APCDD1L: variants seen among roughly 807,000 people sequenced by gnomAD.
The protein encoded by APCDD1L is protein APCDD1-like.
APCDD1L carries 21 observed loss-of-function variants against 24.2 expected under a neutral mutation model. The observed-to-expected ratio is 0.87, with a 90% CI of 0.61 to 1.25. The LOEUF (loss-of-function observed/expected upper bound fraction) is 1.25, where lower values mean the gene tolerates loss of function less well. Ranked by LOEUF, APCDD1L falls within the 50% of genes most tolerant of loss-of-function variation. The pLI is 0.00. For synonymous variants in APCDD1L, 321 were observed against 323.6 expected, an observed-to-expected ratio of 0.99 and a Z score of 0.09; for missense variants, 704 against 711.7, an observed-to-expected ratio of 0.99 and a Z score of 0.12.
chr20:58,470,577 G>A lies in APCDD1L; in HGVS notation c.188+32C>T, dbSNP rs1039659331. 10 of 1,563,828 alleles carry A rather than the reference G, an allele frequency of 6.4e-6. No individual in the cohort carries two copies. In the Admixed American group the frequency reaches 1.1e-4, roughly 18 times the overall value. ...CAGAGGCAGAAGTCTCCCAGTCCAG[G>A]GGTCCATGGTCAGGATGACCTGAAG... On this transcript the variant is annotated intron_variant, in intron 2 of 3. Transcript: ENST00000371149.
chr20:58,467,690 A>C lies in APCDD1L; in HGVS notation c.189-32T>G, dbSNP rs200642458. 377 of 1,450,044 alleles carry C rather than the reference A, an allele frequency of 2.6e-4. No homozygotes were observed. The highest frequency in any genetic ancestry group is 3.0e-4 in the Non-Finnish European group (333 of 1,100,348). 89.8% of individuals were successfully genotyped at this position (1,450,044 alleles called of 1,614,324 possible). On this transcript the variant is annotated intron_variant, in intron 2 of 3. Coordinates refer to ENST00000371149, the MANE Select transcript of APCDD1L (RefSeq NM_153360.3). This position sits in a 1 kb window ranked among gnomAD's most constrained non-coding sequence, Gnocchi z 5.9. ...GGGTGGAAGGAGATGGGCTGGGTGC[A>C]GAGGGAACACCGCGCCGCGAGCCCC...
At chr20:58,510,932 A>T (rs1205384190) in intron 1 of APCDD1L, among the ~76,000 whole-genome samples, 1 of 152,216 alleles carries the variant, frequency 6.6e-6, no homozygotes, top group Non-Finnish European at 1.5e-5. Flanking sequence ...TCAAGCTGAA[A>T]TGGCAACTTC....
chr20:58,489,222 C>CCAAAACAAACAAACA lies in APCDD1L; in HGVS notation c.50-18476_50-18475insTGTTTGTTTGTTTTG, dbSNP rs1568745397. The stretch of plus-strand genomic sequence containing the variant: ...AACCAACACCAAACAACAAACAAAC[C>CCAAAACAAACAAACA]AACCAAAACAAACAAACAAACAAAA... On this transcript the variant is annotated intron_variant, in intron 1 of 3. Coordinates refer to ENST00000371149, the MANE Select transcript of APCDD1L (RefSeq NM_153360.3). 1.8e-3 allele frequency among the ~76,000 whole-genome samples: 278 copies of CCAAAACAAACAAACA among 151,984 alleles called. 3 individuals carry two copies. The highest frequency in any genetic ancestry group is 6.3e-3 in the African/African-American group (262 of 41,462).
intron 1 of APCDD1L, among the ~76,000 whole-genome samples, chr20:58,481,701 T>C (rs1483758322): frequency 6.6e-6 from 1 of 152,136 alleles, no homozygotes; most frequent in East Asian, 1.9e-4. Flanking sequence ...GTTGGGGCGA[T>C]TGGGAGCCAG....
rs906924591 is a variant in APCDD1L at position 58,461,342 on chromosome 20, G to T, written c.954C>A (p.Phe318Leu). 1.3e-6 allele frequency: 2 copies of T among 1,597,436 alleles called. No homozygotes were observed. Reference sequence around the variant, plus strand: ...TGGGCTGCCGGCAGGCTGGGTCTGAGAAGTGGTGGTAATACCCTTCCCAGG... The same window carrying T: ...TGGGCTGCCGGCAGGCTGGGTCTGATAAGTGGTGGTAATACCCTTCCCAGG... ...SRSWEGYYHH[F>L]SDPACRQPTF... Residue 318 changes from phenylalanine to leucine, a missense_variant, in exon 4 of 4, where the codon TTC (phenylalanine) becomes TTA (leucine). Transcript: ENST00000371149. This position sits in a 1 kb window ranked among gnomAD's most constrained non-coding sequence, Gnocchi z 6.0.
chr20:58,473,624 CA>C, intron 1 of APCDD1L, among the ~76,000 whole-genome samples: 1 of 152,132 alleles, frequency 6.6e-6, no homozygotes, highest in Admixed American at 6.5e-5. Flanking sequence ...TCTCTTCCTC[CA>C]AAAAAGTCTT....
At chr20:58,511,740 T>C (rs1990631504) in intron 1 of APCDD1L, among the ~76,000 whole-genome samples, 1 of 152,198 alleles carries the variant, frequency 6.6e-6, no homozygotes, top group Admixed American at 6.5e-5. Flanking sequence ...TGTATTTAAG[T>C]AATTTTCTTC....
Position 58,494,181 on chromosome 20 carries a change from G to A in APCDD1L, c.49+20478C>T, listed in dbSNP as rs1990275834. Among the ~76,000 whole-genome samples, 2 of 152,274 alleles carry A rather than the reference G, an allele frequency of 1.3e-5. No individual in the cohort carries two copies. The highest frequency in any genetic ancestry group is 1.9e-4 in the East Asian group (1 of 5,178). ...GGAGGGGCTGGTCTTGCTGTCTCAGGGGCAGCAGAGGCAGAAGAAAATCTG... is the reference window on the plus strand; with the variant it reads ...GGAGGGGCTGGTCTTGCTGTCTCAGAGGCAGCAGAGGCAGAAGAAAATCTG... On this transcript the variant is annotated intron_variant, in intron 1 of 3. Coordinates refer to ENST00000371149, the MANE Select transcript of APCDD1L (RefSeq NM_153360.3). This position sits in a 1 kb window ranked among gnomAD's most constrained non-coding sequence, Gnocchi z 4.8.
rs146737610 is a variant in APCDD1L, at chr20:58,515,331, C to G, written c.-624G>C. 531 of 300,070 alleles carry G rather than the reference C, an allele frequency of 1.8e-3. 3 individuals carry two copies. The highest frequency in any genetic ancestry group is 0.01 in the African/African-American group (466 of 46,550). 18.6% of individuals were successfully genotyped at this position (300,070 alleles called of 1,614,324 possible). A position where few individuals can be genotyped will look rare whatever the true frequency, so the allele number is the denominator to read the frequency against. ...CAACCCGGTCGCCTAGAAGCCAGCC[C>G]CGGCCTCTGTCTGTAAATGAGGCCG... is the stretch of plus-strand genomic sequence containing the variant. On this transcript the variant is annotated 5_prime_UTR_variant, in exon 1 of 4. Transcript: ENST00000371149.
At position 58,508,392 on chromosome 20, in the gene APCDD1L, G is replaced by A. The variant is rs1052309499; in HGVS notation, c.49+6267C>T. Reference sequence around the variant, plus strand: ...ACAGGGAGGGGAGAGCACAGAGAGAGTGAACATGGCTGAGACTGTGTCCAT... The same window carrying A: ...ACAGGGAGGGGAGAGCACAGAGAGAATGAACATGGCTGAGACTGTGTCCAT... On this transcript the variant is annotated intron_variant, in intron 1 of 3. Transcript: ENST00000371149. This position sits in a 1 kb window ranked among gnomAD's most constrained non-coding sequence, Gnocchi z 4.0. Among the ~76,000 whole-genome samples the A allele has an allele frequency of 6.6e-6, 1 of 152,218 alleles. No homozygotes were observed. Among genetic ancestry groups the A allele is most frequent in the Non-Finnish European group, 1.5e-5 (1 of 68,026 alleles).
In APCDD1L at chr20:58,467,389, C is replaced by G. The variant is rs1278226435; in HGVS notation, c.458G>C (p.Arg153Pro). The change falls in exon 3 of 4, where the codon CGC becomes CCC. Residue 153 changes from arginine to proline, a missense_variant. Coordinates refer to ENST00000371149, the MANE Select transcript of APCDD1L (RefSeq NM_153360.3). The surrounding 1 kb of genome is among the most constrained non-coding windows in gnomAD (Gnocchi z 5.9). ...CCGCCGCGCGCAGTCCCGGCCGGCG[C>G]GGGTCTGGTTGAGGCGCCCGGTGAC... The part of the protein sequence containing the change: ...VDVTGRLNQT[R>P]AGRDCARRLP... 2.6e-6 allele frequency: 4 copies of G among 1,516,044 alleles called. No individual in the cohort carries two copies. In the South Asian group the frequency reaches 5.0e-5, roughly 19 times the overall value. 93.9% of individuals were successfully genotyped at this position (1,516,044 alleles called of 1,614,324 possible).
At chr20:58,483,452 A>G (rs1038334765) in intron 1 of APCDD1L, among the ~76,000 whole-genome samples, 1 of 152,136 alleles carries the variant, frequency 6.6e-6, no homozygotes, top group South Asian at 2.1e-4. Context: ...GACATTTTAC[A>G]CTGGATTAAT....
At chr20:58,499,820 C>G (rs1293613914) in intron 1 of APCDD1L, among the ~76,000 whole-genome samples, 1 of 152,208 alleles carries the variant, frequency 6.6e-6, no homozygotes, top group African/African-American at 2.4e-5. Context: ...AGCCCCATCT[C>G]CCTCTCTGTC....
chr20:58,479,800 G>C (rs938389544), intron 1 of APCDD1L, among the ~76,000 whole-genome samples: 3 of 152,118 alleles, frequency 2.0e-5, no homozygotes, highest in Admixed American at 6.5e-5. Context: ...AGATATGCTG[G>C]CTGCGATGGT....
At chr20:58,481,212 A>G (rs1445333804) in intron 1 of APCDD1L, among the ~76,000 whole-genome samples, 2 of 152,246 alleles carry the variant, frequency 1.3e-5, no homozygotes, top group African/African-American at 4.8e-5. Context: ...TTTTCCAAAC[A>G]GAATGTGTAT....
chr20:58,470,630 T>C lies in APCDD1L; in HGVS notation c.167A>G (p.Asn56Ser), dbSNP rs752403111. ...TTACCCTGTGGAGATCCAAGGTCCATTAAGGCGTGGAGGCAGGATCGCAGT... is the reference window on the plus strand; with the variant it reads ...TTACCCTGTGGAGATCCAAGGTCCACTAAGGCGTGGAGGCAGGATCGCAGT... ...PSTAILPPRL[N>S]GPWISTGCEV... The change falls in exon 2 of 4, where the codon AAT becomes AGT. Residue 56 changes from asparagine to serine, a missense_variant. Physicochemically the swap from Asn to Ser is conservative, Grantham distance 46. Coordinates refer to ENST00000371149, the MANE Select transcript of APCDD1L (RefSeq NM_153360.3). 1.8e-5 allele frequency: 28 copies of C among 1,585,786 alleles called. No homozygotes were observed. The Admixed American group carries it at 2.2e-4, about 12-fold the overall frequency.
chr20:58,463,668 G>T (rs1000436114), intron 3 of APCDD1L, among the ~76,000 whole-genome samples: 1 of 152,204 alleles, frequency 6.6e-6, no homozygotes, highest in Non-Finnish European at 1.5e-5. Context: ...ATCTCCTGCT[G>T]TGGCCATTCC....
intron 1 of APCDD1L, among the ~76,000 whole-genome samples, chr20:58,504,412 T>C (rs1329787896): frequency 6.6e-6 from 1 of 152,156 alleles, no homozygotes; most frequent in Non-Finnish European, 1.5e-5. Flanking sequence ...TAAGCAGCCA[T>C]GAGGCCATCA....
intron 1 of APCDD1L, among the ~76,000 whole-genome samples, chr20:58,471,864 G>A (rs1038268363): frequency 6.6e-6 from 1 of 152,222 alleles, no homozygotes; most frequent in Admixed American, 6.5e-5. Flanking sequence ...TTCCCACCCA[G>A]CCTGGGGCTG....
Sources: allele counts gnomAD v4.1 joint callset (sites outside exome capture counted in the v4.1 genomes callset), GRCh38; gene constraint gnomAD v4.1.1; non-coding constraint Gnocchi (gnomAD v3.1); transcripts MANE v1.5; gene names NCBI Gene and HGNC (gene_info 2026-07-23, HGNC 2026-07-21).